Variants in SOX30 observed in about 807,000 individuals in gnomAD.
The protein encoded by SOX30 is SRY-box transcription factor 30, also known as transcription factor SOX-30.
SOX30 carries 17 observed loss-of-function variants against 58.6 expected under a neutral mutation model. That is an observed-to-expected ratio of 0.29 (90% confidence interval 0.20 to 0.44). The LOEUF is 0.44. SOX30 is among the 20% of genes least tolerant of loss of function. The pLI, the probability that SOX30 is intolerant of heterozygous loss-of-function variation, is 1.00. For missense variants in SOX30, 951 were observed against 965.8 expected (o/e 0.98, Z 0.20); for synonymous variants, 421 against 400.2 (o/e 1.05, Z -0.62).
Position 157,652,141 on chromosome 5 carries a change from C to T in SOX30, c.-63G>A, listed in dbSNP as rs779751091. On this transcript the variant is annotated 5_prime_UTR_variant, in exon 1 of 5. Transcript: ENST00000265007. ...GCCGTTTGTTGGCGACCTTCCCCCT[C>T]CCCCTTTCGGTTAAGAGCCTTGCAA... is the stretch of plus-strand genomic sequence containing the variant. 2.2e-6 allele frequency: 3 copies of T among 1,381,510 alleles called. No homozygotes were observed. In the South Asian group the frequency reaches 5.2e-5, roughly 24 times the overall value. 85.6% of individuals were successfully genotyped at this position (1,381,510 alleles called of 1,614,324 possible).
intron 2 of SOX30, among the ~76,000 whole-genome samples, chr5:157,661,608 A>G (rs1038193786): frequency 3.3e-5 from 5 of 152,202 alleles, no homozygotes; most frequent in Admixed American, 2.6e-4. Flanking sequence ...CCCAAGGGCT[A>G]TAGTTTGCTT....
intron 4 of SOX30, among the ~76,000 whole-genome samples, chr5:157,632,077 G>A (rs374320565): frequency 0.15 from 10,058 of 68,984 alleles, 5 homozygotes; most frequent in African/African-American, 0.25. Context: ...AAAAAAAAAA[G>A]AATTTTTAGT....
In SOX30 at chr5:157,651,300, A is replaced by T; in HGVS notation, c.779T>A (p.Ile260Asn). The T allele has an allele frequency of 6.2e-7, 1 of 1,614,074 alleles. No individual in the cohort carries two copies. The part of the protein sequence containing the change: ...AFGPHQQDLR[I>N]PLTLHTVPPG... ...GGGGACCGTGTGGAGCGTCAAAGGG[A>T]TCCTAAGGTCTTGCTGGTGCGGCCC... The change falls in exon 1 of 5, where the codon ATC becomes AAC. Residue 260 changes from isoleucine to asparagine, a missense_variant. Ile to Asn is a moderately radical substitution (Grantham distance 149). Transcript: ENST00000265007.
Position 157,627,854 on chromosome 5 carries a change from C to T in SOX30, c.1881-1133G>A, listed in dbSNP as rs898513717. ...CTAAAAATACAAAAAATTAGCCAGG[C>T]GTGGTGGCGGGCGCCTGTAGTCCCA... On this transcript the variant is annotated intron_variant, in intron 4 of 4. Coordinates refer to ENST00000265007, the MANE Select transcript of SOX30 (RefSeq NM_178424.2). Among the ~76,000 whole-genome samples, 12 of 152,134 alleles carry T rather than the reference C, an allele frequency of 7.9e-5. No homozygotes were observed. The South Asian group carries it at 2.5e-3, about 32-fold the overall frequency.
intron 2 of SOX30, among the ~76,000 whole-genome samples, chr5:157,660,905 A>T (rs1759565652): frequency 6.6e-6 from 1 of 152,192 alleles, no homozygotes; most frequent in Admixed American, 6.5e-5. Flanking sequence ...GAAAACTGAC[A>T]CCTTGATGAT....
At position 157,625,867 on chromosome 5, in the gene SOX30, C is replaced by G. The variant is rs779958177; in HGVS notation, c.*473G>C. On this transcript the variant is annotated 3_prime_UTR_variant, in exon 5 of 5. Coordinates refer to ENST00000265007, the MANE Select transcript of SOX30 (RefSeq NM_178424.2). ...ATTAGTGTAAGTTAAATTTAGCAAC[C>G]AAGTCCAAGTTCACTAGGAGTTGTC... 2 of 152,640 alleles carry G rather than the reference C, an allele frequency of 1.3e-5. No individual in the cohort carries two copies. Among genetic ancestry groups the G allele is most frequent in the Admixed American group, 6.5e-5 (1 of 15,278 alleles). The allele number at this position is 152,640 out of a possible 1,614,324, so 9.5% of individuals were successfully genotyped here. A position where few individuals can be genotyped will look rare whatever the true frequency, so the allele number is the denominator to read the frequency against.
chr5:157,640,851 C>A (rs967702376), intron 3 of SOX30, among the ~76,000 whole-genome samples: 3 of 152,130 alleles, frequency 2.0e-5, no homozygotes, highest in African/African-American at 7.2e-5. Flanking sequence ...CACTCCACCT[C>A]GCATATGTAA....
rs775264902 is a variant in SOX30 at position 157,651,252 on chromosome 5, T to C, written c.827A>G (p.Gln276Arg). ...TATCAGCTCTGAAGGCGGAGCTCCC[T>C]GAAACTGGATCCGGGCCCCAGGGGG... ...TVPPGARIQF[Q>R]GAPPSELIRL... The change falls in exon 1 of 5, where the codon CAG (glutamine) becomes CGG (arginine). Residue 276 changes from glutamine to arginine, a missense_variant. Around this residue, in one of 7 missense-constraint regions of SOX30, gnomAD observed 84 missense variants for 68.2 expected, o/e 1.23. Coordinates refer to ENST00000265007, the MANE Select transcript of SOX30 (RefSeq NM_178424.2). 3.1e-6 allele frequency: 5 copies of C among 1,614,144 alleles called. No individual in the cohort carries two copies. In the South Asian group the frequency reaches 5.5e-5, roughly 18 times the overall value.
At chr5:157,655,627 A>T (rs1759456715), upstream of SOX30, among the ~76,000 whole-genome samples, 1 of 152,152 alleles carries the variant, frequency 6.6e-6, no homozygotes, top group African/African-American at 2.4e-5. Context: ...GCTGGAAAAC[A>T]TCCCTTCACT....
At chr5:157,654,229 C>CAATATTGA (rs1329395646), upstream of SOX30, among the ~76,000 whole-genome samples, 1 of 151,122 alleles carries the variant, frequency 6.6e-6, no homozygotes, top group Non-Finnish European at 1.5e-5. Context: ...TTTCATCTAT[C>CAATATTGA]AATATTTACC....
chr5:157,648,513 T>C (rs190112698), intron 2 of SOX30, 144 bp downstream of exon 2: 46 of 725,446 alleles, frequency 6.3e-5, no homozygotes, highest in African/African-American at 4.3e-4. Flanking sequence ...ATTTCAATCA[T>C]TGTTATAATA....
chr5:157,669,103 C>T (rs1020697768), intron 1 of SOX30, among the ~76,000 whole-genome samples: 1 of 152,150 alleles, frequency 6.6e-6, no homozygotes, highest in Admixed American at 6.5e-5. Context: ...CCACAGAGAC[C>T]AAAAGGGGTC....
chr5:157,629,665 A>G (rs751480828), intron 4 of SOX30, among the ~76,000 whole-genome samples: 3 of 152,224 alleles, frequency 2.0e-5, no homozygotes, highest in Non-Finnish European at 4.4e-5. Context: ...AGCATTTACT[A>G]TTTTTTAGGC....
intron 4 of SOX30, among the ~76,000 whole-genome samples, chr5:157,635,043 A>G (rs1758893974): frequency 6.6e-6 from 1 of 152,260 alleles, no homozygotes; most frequent in South Asian, 2.1e-4. Flanking sequence ...TTACTGAAAT[A>G]TACTATCTAG....
In SOX30 at chr5:157,651,224, T is replaced by G. The variant is rs369810871; in HGVS notation, c.855A>C (p.Arg285Ser). The G allele has an allele frequency of 6.8e-6, 11 of 1,613,850 alleles. No homozygotes were observed. The highest frequency in any genetic ancestry group is 9.3e-6 in the Non-Finnish European group (11 of 1,179,944). ...CTGGTGTCAGGGGGACCTTGGTCAA[T>G]CTTATCAGCTCTGAAGGCGGAGCTC... Reference protein sequence around the residue: ...FQGAPPSELIRLTKVPLTPVP... With the variant: ...FQGAPPSELISLTKVPLTPVP... The change falls in exon 1 of 5, where the codon AGA becomes AGC. Residue 285 changes from arginine (R) to serine (S), a missense_variant. Physicochemically the swap from Arg to Ser is moderately radical, Grantham distance 110. Coordinates refer to ENST00000265007, the MANE Select transcript of SOX30 (RefSeq NM_178424.2).
chr5:157,651,485 G>C lies in SOX30; in HGVS notation c.594C>G (p.Gly198=), dbSNP rs371262922. ...AEEVMRDSMQ[G]GAGKSPAAIR... is the part of the protein sequence containing the mutation. ...TGGCTGCCGGGCTTTTGCCTGCCCCGCCTTGCATCGAGTCTCTCATGACCT... is the reference window on the plus strand; with the variant it reads ...TGGCTGCCGGGCTTTTGCCTGCCCCCCCTTGCATCGAGTCTCTCATGACCT... The change falls in exon 1 of 5, where the codon GGC becomes GGG. Residue 198 remains glycine (G), a synonymous_variant. Transcript: ENST00000265007. 2.8e-5 allele frequency: 45 copies of C among 1,613,290 alleles called. No individual in the cohort carries two copies. The highest frequency in any genetic ancestry group is 3.8e-5 in the Non-Finnish European group (45 of 1,180,002).
intron 1 of SOX30, among the ~76,000 whole-genome samples, chr5:157,670,253 C>T (rs1267746495): frequency 6.6e-6 from 1 of 152,144 alleles, no homozygotes; most frequent in East Asian, 1.9e-4. Flanking sequence ...ATTTATCAGG[C>T]ACTGTATTAG....
intron 3 of SOX30, 66 bp from the exon 4 acceptor site, chr5:157,638,788 TA>T: frequency 6.7e-7 from 1 of 1,485,556 alleles, no homozygotes; most frequent in East Asian, 2.3e-5. Flanking sequence ...CTTCTTTCAG[TA>T]AAGTTTAATA....
upstream of SOX30, among the ~76,000 whole-genome samples, chr5:157,656,873 TAGTTAA>T (rs145536439): frequency 4.6e-4 from 70 of 152,348 alleles, no homozygotes; most frequent in African/African-American, 1.6e-3. Flanking sequence ...GTGAATATAT[TAGTTAA>T]AGTTAAAGGG....
Sources: gnomAD v4.1 joint callset for allele counts (sites outside exome capture counted in the v4.1 genomes callset) on GRCh38, gnomAD v4.1.1 for gene constraint, gnomAD v4.1.1 regional missense constraint, MANE v1.5 for transcripts, NCBI Gene and HGNC (gene_info 2026-07-23, HGNC 2026-07-21) for gene names.